The following ZFYVE9 variants were observed in gnomAD, a reference collection of about 807,000 sequenced individuals.
ZFYVE9 encodes the protein zinc finger FYVE domain-containing protein 9.
ZFYVE9 carries 43 observed loss-of-function variants against 126.7 expected under a neutral mutation model. That is an observed-to-expected ratio of 0.34 (90% CI 0.27 to 0.44). The LOEUF (loss-of-function observed/expected upper bound fraction) is 0.44. Ranked by LOEUF, ZFYVE9 falls within the 20% of genes least tolerant of loss-of-function variation. The pLI is 1.00. For synonymous variants in ZFYVE9, 521 were observed against 597.4 expected (o/e 0.87, Z 1.87); for missense variants, 1,476 against 1,697.0 (o/e 0.87, Z 2.29).
intron 1 of ZFYVE9, chr1:52,180,360 G>A: frequency 4.5e-6 from 7 of 1,553,576 alleles, no homozygotes; most frequent in Non-Finnish European, 6.2e-6. Context: ...AGATATCAAG[G>A]CTCAGTTTAT....
intron 1 of ZFYVE9, among the ~76,000 whole-genome samples, chr1:52,184,296 C>G (rs955708659): frequency 1.3e-4 from 19 of 148,444 alleles, no homozygotes; most frequent in Non-Finnish European, 1.5e-5. Flanking sequence ...ATGATTTTGG[C>G]TCACTGCAAC....
At chr1:52,300,473 G>A (rs56312631) in intron 12 of ZFYVE9, among the ~76,000 whole-genome samples, 1 of 151,866 alleles carries the variant, frequency 6.6e-6, no homozygotes, top group Admixed American at 6.6e-5. Context: ...GCCTGTAAAT[G>A]CCAGCTACTC....
chr1:52,181,914 C>T (rs1644709892), intron 1 of ZFYVE9, among the ~76,000 whole-genome samples: 1 of 151,038 alleles, frequency 6.6e-6, no homozygotes, highest in African/African-American at 2.4e-5. Flanking sequence ...AAGTAAGGAG[C>T]GTCTCCGCCC....
chr1:52,322,894 T>G (rs1036196705), intron 13 of ZFYVE9, among the ~76,000 whole-genome samples: 2 of 152,134 alleles, frequency 1.3e-5, no homozygotes, highest in Admixed American at 6.5e-5. Flanking sequence ...AAACTCTGCC[T>G]CCCAGGTTCA....
intron 10 of ZFYVE9, among the ~76,000 whole-genome samples, chr1:52,288,925 CAAAAA>C (rs775138803): frequency 1.6e-5 from 1 of 62,058 alleles, no homozygotes; most frequent in Non-Finnish European, 3.5e-5. Flanking sequence ...GACTCTGTCT[CAAAAA>C]AAAAAAAAAA....
At chr1:52,215,720 A>G (rs1410887704) in intron 1 of ZFYVE9, among the ~76,000 whole-genome samples, 1 of 152,226 alleles carries the variant, frequency 6.6e-6, no homozygotes, top group Non-Finnish European at 1.5e-5. Flanking sequence ...CTAAGCAGTT[A>G]TAGTTGGGCT....
At chr1:52,286,450 CACTT>C (rs566193484) in intron 10 of ZFYVE9, among the ~76,000 whole-genome samples, 3 of 152,188 alleles carry the variant, frequency 2.0e-5, no homozygotes, top group Non-Finnish European at 2.9e-5. Flanking sequence ...TATACACACA[CACTT>C]TTTTGTCATA....
At chr1:52,281,877 A>G in intron 10 of ZFYVE9, 61 bp downstream of exon 10, 1 of 1,583,006 alleles carries the variant, frequency 6.3e-7, no homozygotes. Context: ...TTTTGAATTC[A>G]AATACAAAAT....
At chr1:52,275,046 T>C (rs192075880) in intron 8 of ZFYVE9, among the ~76,000 whole-genome samples, 65 of 152,296 alleles carry the variant, frequency 4.3e-4, no homozygotes, top group Non-Finnish European at 6.8e-4. Flanking sequence ...GAAGTAAAAT[T>C]ATTATCTAAT....
intron 1 of ZFYVE9, among the ~76,000 whole-genome samples, chr1:52,146,912 C>A (rs1020797893): frequency 3.1e-4 from 47 of 152,072 alleles, no homozygotes; most frequent in African/African-American, 1.1e-3. Context: ...CATCCCTAAT[C>A]CAAAAGTCTG....
At chr1:52,200,539 G>C (rs2124567885) in intron 1 of ZFYVE9, among the ~76,000 whole-genome samples, 1 of 152,166 alleles carries the variant, frequency 6.6e-6, no homozygotes, top group Admixed American at 6.5e-5. Context: ...TGTTTTCATA[G>C]ATCATTCCTT....
At chr1:52,338,962 A>G (rs1008743782) in intron 16 of ZFYVE9, among the ~76,000 whole-genome samples, 4 of 152,214 alleles carry the variant, frequency 2.6e-5, no homozygotes, top group Non-Finnish European at 4.4e-5. Flanking sequence ...GTGAGCCGAG[A>G]TCATGCCACT....
rs765428713 is a variant in ZFYVE9 at position 52,263,760 on chromosome 1, C to CA, written c.2179-13_2179-12insA. On this transcript the variant is annotated splice_polypyrimidine_tract_variant and intron_variant, in intron 4 of 18. Transcript: ENST00000287727. ...GTAAATTTTGTGTGTTCTTCCCCCC[C>CA]CCCCCCCCACAGGTTTTCTGTGCTT... The CA allele has an allele frequency of 2.0e-6, 1 of 494,502 alleles. No homozygotes were observed. Among genetic ancestry groups the CA allele is most frequent in the African/African-American group, 3.2e-5 (1 of 31,142 alleles). The allele number at this position is 494,502 out of a possible 1,614,324, so 30.6% of individuals were successfully genotyped here.
intron 5 of ZFYVE9, among the ~76,000 whole-genome samples, chr1:52,264,770 C>G (rs185500594): frequency 6.6e-5 from 10 of 152,300 alleles, no homozygotes; most frequent in Admixed American, 1.3e-4. Context: ...TTTCTTGTTG[C>G]TGGCTTATTA....
chr1:52,299,565 C>G (rs1179115898), intron 12 of ZFYVE9, among the ~76,000 whole-genome samples: 1 of 152,136 alleles, frequency 6.6e-6, no homozygotes, highest in African/African-American at 2.4e-5. Context: ...TTGTGCTGGG[C>G]TGCTTGTCCA....
At chr1:52,306,402 C>T (rs1006965326) in intron 13 of ZFYVE9, among the ~76,000 whole-genome samples, 1 of 152,128 alleles carries the variant, frequency 6.6e-6, no homozygotes, top group Non-Finnish European at 1.5e-5. Flanking sequence ...GATTTGACAA[C>T]CTGCCTGTAG....
At chr1:52,246,933 C>T (rs770180380) in intron 4 of ZFYVE9, among the ~76,000 whole-genome samples, 19 of 152,074 alleles carry the variant, frequency 1.2e-4, no homozygotes, top group Admixed American at 7.2e-4. Flanking sequence ...GTCTCGAGCT[C>T]CTGACCTCAG....
At chr1:52,249,980 T>C (rs1002413631) in intron 4 of ZFYVE9, among the ~76,000 whole-genome samples, 1 of 152,224 alleles carries the variant, frequency 6.6e-6, no homozygotes, top group African/African-American at 2.4e-5. Flanking sequence ...TTTATGTCTG[T>C]CTTTAATGTC....
chr1:52,230,182 CTT>C (rs1440289378), intron 2 of ZFYVE9, among the ~76,000 whole-genome samples: 1 of 152,090 alleles, frequency 6.6e-6, no homozygotes, highest in African/African-American at 2.4e-5. Flanking sequence ...CTCACAGACA[CTT>C]TGAAGGGTGA....
Sources: gnomAD v4.1 joint callset for allele counts (sites outside exome capture counted in the v4.1 genomes callset) on GRCh38, gnomAD v4.1.1 for gene constraint, MANE v1.5 for transcripts, NCBI Gene and HGNC (gene_info 2026-07-23, HGNC 2026-07-21) for gene names.